Variants in KALRN observed in about 807,000 individuals in gnomAD.
KALRN encodes the protein kalirin RhoGEF kinase, also known as kalirin.
In KALRN, 70 loss-of-function variants were observed where a neutral mutation model predicts 353.7. That is an observed-to-expected ratio of 0.20 (90% CI 0.16 to 0.24). The LOEUF (loss-of-function observed/expected upper bound fraction) is 0.24. Among genes scored for constraint, KALRN ranks in the 10% least tolerant of loss-of-function variants. KALRN has a pLI of 1.00. For missense variants in KALRN, 2,791 were observed against 3,756.7 expected, an observed-to-expected ratio of 0.74 and a Z score of 6.72; for synonymous variants, 1,391 against 1,434.8, an observed-to-expected ratio of 0.97 and a Z score of 0.69.
intron 1 of KALRN, among the ~76,000 whole-genome samples, chr3:124,150,981 T>A (rs1280454553): frequency 1.3e-5 from 2 of 152,226 alleles, no homozygotes; most frequent in African/African-American, 4.8e-5. Flanking sequence ...CTGTTTTGTG[T>A]CTGTCCTCTT....
intron 1 of KALRN, among the ~76,000 whole-genome samples, chr3:124,078,574 G>A (rs999114165): frequency 1.3e-5 from 2 of 151,986 alleles, no homozygotes; most frequent in African/African-American, 2.4e-5. Context: ...GGGCTGTGAC[G>A]GGAGACACTG....
intron 34 of KALRN, among the ~76,000 whole-genome samples, chr3:124,584,351 A>C (rs1395105144): frequency 6.6e-6 from 1 of 152,162 alleles, no homozygotes; most frequent in South Asian, 2.1e-4. Flanking sequence ...GGCATCCTTG[A>C]GTCTTGGAGC....
intron 51 of KALRN, among the ~76,000 whole-genome samples, chr3:124,687,868 T>A (rs2061634193): frequency 6.8e-6 from 1 of 147,898 alleles, no homozygotes. Context: ...AAGAAAAAAA[T>A]CATAGTTGAA....
chr3:124,166,831 G>A (rs779059711), intron 1 of KALRN, among the ~76,000 whole-genome samples: 1 of 152,074 alleles, frequency 6.6e-6, no homozygotes, highest in African/African-American at 2.4e-5. Flanking sequence ...TGGAGGCCAG[G>A]AGTTTGAGAC....
intron 32 of KALRN, among the ~76,000 whole-genome samples, chr3:124,494,591 A>G (rs773240428): frequency 2.0e-5 from 3 of 152,262 alleles, no homozygotes; most frequent in Non-Finnish European, 4.4e-5. Context: ...GGCTTATGTT[A>G]TTAAAATAAA....
intron 34 of KALRN, among the ~76,000 whole-genome samples, chr3:124,616,230 C>G: frequency 6.6e-6 from 1 of 152,160 alleles, no homozygotes; most frequent in East Asian, 1.9e-4. Flanking sequence ...TTTCCAGAGC[C>G]ACCCTGCTTA....
intron 34 of KALRN, among the ~76,000 whole-genome samples, chr3:124,596,907 G>A (rs1222322585): frequency 6.6e-6 from 1 of 152,052 alleles, no homozygotes; most frequent in Non-Finnish European, 1.5e-5. Context: ...AATTAGCCAG[G>A]CATTGGTGGT....
chr3:124,115,710 G>A (rs2332742), intron 1 of KALRN, among the ~76,000 whole-genome samples: 83,891 of 151,964 alleles, frequency 0.55, 25,707 homozygotes, highest in Non-Finnish European at 0.69. Flanking sequence ...CAGGGAGGTC[G>A]AGCAACGGCA....
At chr3:124,252,200 C>T (rs1048616475) in intron 3 of KALRN, among the ~76,000 whole-genome samples, 1 of 152,116 alleles carries the variant, frequency 6.6e-6, no homozygotes, top group African/African-American at 2.4e-5. Context: ...CCAGGGGGAA[C>T]TTTTAAAAAT....
Position 124,723,942 on chromosome 3 carries a change from G to A in KALRN, c.*4472G>A, listed in dbSNP as rs2063388380. ...ACAATTTATTTTTCACAGCCTCACA[G>A]GAATCTAAGAGACAAATTAAATGCA... On this transcript the variant is annotated 3_prime_UTR_variant, in exon 60 of 60. Transcript: ENST00000682506. 6.6e-6 allele frequency: 1 copy of A among 151,962 alleles called. No individual in the cohort carries two copies. Among genetic ancestry groups the A allele is most frequent in the African/African-American group, 2.4e-5 (1 of 41,392 alleles). 9.4% of individuals were successfully genotyped at this position (151,962 alleles called of 1,614,324 possible). A position where few individuals can be genotyped will look rare whatever the true frequency, so the allele number is the denominator to read the frequency against.
At chr3:124,315,459 C>T (rs1473809306) in intron 6 of KALRN, among the ~76,000 whole-genome samples, 1 of 152,162 alleles carries the variant, frequency 6.6e-6, no homozygotes, top group African/African-American at 2.4e-5. Flanking sequence ...CCTGGCTCAA[C>T]CATCTCTCTT....
intron 4 of KALRN, chr3:124,268,460 G>A (rs1341953718): frequency 2.3e-6 from 1 of 426,012 alleles, no homozygotes; most frequent in Non-Finnish European, 4.3e-6. Context: ...GGGTCAGGAG[G>A]AGGGAAAATG....
chr3:124,518,630 C>T, intron 33 of KALRN: 2 of 1,489,950 alleles, frequency 1.3e-6, no homozygotes, highest in African/African-American at 1.4e-5. Context: ...AATCTCCCCG[C>T]CTGGGCCATG....
At chr3:124,573,469 G>A (rs1035288207) in intron 34 of KALRN, among the ~76,000 whole-genome samples, 2 of 152,074 alleles carry the variant, frequency 1.3e-5, no homozygotes, top group African/African-American at 4.8e-5. Flanking sequence ...TGTTCAAGGG[G>A]TCAGGGTTCT....
intron 14 of KALRN, among the ~76,000 whole-genome samples, chr3:124,422,484 G>T (rs990606923): frequency 2.6e-5 from 4 of 152,114 alleles, no homozygotes; most frequent in African/African-American, 9.7e-5. Flanking sequence ...AATATTCTGG[G>T]TGTTGGCAAA....
In KALRN at chr3:124,627,203, T is replaced by A. The variant is rs75164263; in HGVS notation, c.5183-5217T>A. 8.4e-3 allele frequency among the ~76,000 whole-genome samples: 1,274 copies of A among 152,312 alleles called. 75 individuals carry two copies. The East Asian group carries it at 0.16, about 19-fold the overall frequency. On this transcript the variant is annotated intron_variant, in intron 34 of 59. Coordinates refer to ENST00000682506, the MANE Select transcript of KALRN (RefSeq NM_001388419.1). ...CCTTTATAACCAGACATTTAAAGTG[T>A]CTTGGAAATGGTCTTATCCCAAGTC...
chr3:124,285,225 T>C (rs1006499768), intron 5 of KALRN, among the ~76,000 whole-genome samples: 5 of 152,176 alleles, frequency 3.3e-5, no homozygotes, highest in Admixed American at 3.3e-4. Flanking sequence ...TGTTAGGGAA[T>C]CAATGTTCAA....
intron 38 of KALRN, among the ~76,000 whole-genome samples, chr3:124,655,291 C>T (rs1209846457): frequency 6.6e-6 from 1 of 152,194 alleles, no homozygotes; most frequent in Non-Finnish European, 1.5e-5. Context: ...TCTGTCTATA[C>T]AATCGTTCAG....
intron 33 of KALRN, among the ~76,000 whole-genome samples, chr3:124,498,370 G>T (rs1561145732): frequency 6.6e-6 from 1 of 152,100 alleles, no homozygotes; most frequent in East Asian, 1.9e-4. Context: ...CAATAGCCAG[G>T]TCATTGAGCC....
Sources: allele counts gnomAD v4.1 joint callset (sites outside exome capture counted in the v4.1 genomes callset), GRCh38; gene constraint gnomAD v4.1.1; transcripts MANE v1.5; gene names NCBI Gene and HGNC (gene_info 2026-07-23, HGNC 2026-07-21).